Variants in ASCC3 observed in about 807,000 individuals in gnomAD.
The protein encoded by ASCC3 is ASC-1 complex subunit P200.
Under a neutral mutation model 256.3 loss-of-function variants are expected in ASCC3, and 158 were observed. The observed-to-expected ratio is 0.62, with a 90% CI of 0.54 to 0.70. The LOEUF (loss-of-function observed/expected upper bound fraction) is 0.70. Ranked by LOEUF, ASCC3 falls within the 30% of genes least tolerant of loss-of-function variation. The probability of loss-of-function intolerance (pLI) is 0.00; values close to 1 mark genes in which losing one functional copy is unlikely to be tolerated. For missense variants in ASCC3, 2,259 were observed against 2,626.0 expected, an observed-to-expected ratio of 0.86 and a Z score of 3.05; for synonymous variants, 948 against 883.4, an observed-to-expected ratio of 1.07 and a Z score of -1.30.
Position 100,518,111 on chromosome 6 carries a change from C to T in ASCC3, c.5807G>A (p.Trp1936Ter). 5.6e-6 allele frequency: 9 copies of T among 1,613,608 alleles called. No individual in the cohort carries two copies. The highest frequency in any genetic ancestry group is 7.6e-6 in the Non-Finnish European group (9 of 1,179,702). The change falls in exon 38 of 42, where the codon TGG (tryptophan) becomes TAG (stop). Residue 1936 changes from tryptophan (W) to a stop codon, truncating the protein, a stop_gained. Transcript: ENST00000369162. LOFTEE classifies it high-confidence loss of function. Reference protein sequence around the residue: ...AMLDVAANQGWLVTVLNITNL... With the variant: ...AMLDVAANQG ...GGTGATATTCAGGACAGTCACCAGC[C>T]AGCCCTGGTTTGCAGCCACGTCCAG...
intron 36 of ASCC3, among the ~76,000 whole-genome samples, chr6:100,559,081 G>A (rs1367998383): frequency 3.3e-5 from 5 of 152,058 alleles, no homozygotes; most frequent in Non-Finnish European, 7.4e-5. Context: ...AGAACCACAG[G>A]AGAAACTGAT....
intron 16 of ASCC3, among the ~76,000 whole-genome samples, chr6:100,659,765 T>C (rs1175787842): frequency 6.6e-6 from 1 of 151,610 alleles, no homozygotes; most frequent in Non-Finnish European, 1.5e-5. Context: ...AAAAAGCTAT[T>C]AAGGACATAA....
At position 100,799,525 on chromosome 6, in the gene ASCC3, T is replaced by C. The variant is rs1302041110; in HGVS notation, c.1175A>G (p.Gln392Arg). The change falls in exon 7 of 42, where the codon CAG becomes CGG. Residue 392 changes from glutamine to arginine, a missense_variant. Gln to Arg is a conservative substitution (Grantham distance 43, BLOSUM62 1). Around this residue, in one of 2 missense-constraint regions of ASCC3, gnomAD observed 1,839 missense variants for 2,206.7 expected, o/e 0.83. Transcript: ENST00000369162. Reference protein sequence around the residue: ...NARSVPILSRQRDADVEKIHY... With the variant: ...NARSVPILSRRRDADVEKIHY... ...TATTTTTTCAACGTCTGCATCTCTC[T>C]GCCTGCTCAGAATTGGAACACTTCT... is the stretch of plus-strand genomic sequence containing the variant. 1 of 1,613,070 alleles carries C rather than the reference T, an allele frequency of 6.2e-7. No homozygotes were observed. The highest frequency in any genetic ancestry group is 1.1e-5 in the South Asian group (1 of 91,060).
chr6:100,529,310 G>A (rs1774748090), intron 37 of ASCC3, among the ~76,000 whole-genome samples: 1 of 152,036 alleles, frequency 6.6e-6, no homozygotes, highest in Admixed American at 6.6e-5. Context: ...AATTATTGTA[G>A]CTTTATGGGA....
At chr6:100,724,530 A>G (rs1362999354) in intron 11 of ASCC3, among the ~76,000 whole-genome samples, 1 of 151,878 alleles carries the variant, frequency 6.6e-6, no homozygotes, top group African/African-American at 2.4e-5. Flanking sequence ...GAACTTAAAG[A>G]CATAGGAGAA....
chr6:100,636,748 C>T (rs74407713), intron 25 of ASCC3, among the ~76,000 whole-genome samples: 4,609 of 152,192 alleles, frequency 0.03, 77 homozygotes, highest in African/African-American at 0.055. Flanking sequence ...GTTTTATTCC[C>T]GATACGGAGA....
intron 8 of ASCC3, 43 bp from the exon 9 acceptor site, chr6:100,767,388 G>A: frequency 6.5e-7 from 1 of 1,549,758 alleles, no homozygotes; most frequent in Non-Finnish European, 8.9e-7. Context: ...GTAACAATGT[G>A]AAGGACCCAT....
In ASCC3 at chr6:100,827,089, G is replaced by A. The variant is rs570471176; in HGVS notation, c.801+21059C>T. Among the ~76,000 whole-genome samples, 23 of 152,222 alleles carry A rather than the reference G, an allele frequency of 1.5e-4. 1 individual carries two copies. The South Asian group carries it at 4.1e-3, about 27-fold the overall frequency. On this transcript the variant is annotated intron_variant, in intron 4 of 41. Coordinates refer to ENST00000369162, the MANE Select transcript of ASCC3 (RefSeq NM_006828.4). ...TCTGGATTCTACTGTAAAATGGTCC[G>A]CTCAGATTTAGATGGAATATGTTTA...
At chr6:100,829,460 C>T (rs1027497272) in intron 4 of ASCC3, among the ~76,000 whole-genome samples, 3 of 152,086 alleles carry the variant, frequency 2.0e-5, no homozygotes, top group Admixed American at 6.5e-5. Context: ...CCAGGGCTGG[C>T]GGGGCTCGCC....
At chr6:100,545,216 C>T (rs983074261) in intron 36 of ASCC3, among the ~76,000 whole-genome samples, 7 of 152,178 alleles carry the variant, frequency 4.6e-5, no homozygotes, top group Middle Eastern at 3.4e-3. Flanking sequence ...CTTGCTCTGT[C>T]GCCCAGGCTG....
chr6:100,841,219 A>G (rs1772129719), intron 4 of ASCC3, among the ~76,000 whole-genome samples: 1 of 152,204 alleles, frequency 6.6e-6, no homozygotes, highest in African/African-American at 2.4e-5. Context: ...AGGAGATAGT[A>G]GTAAGGAACA....
At chr6:100,843,041 A>C (rs1294654779) in intron 4 of ASCC3, among the ~76,000 whole-genome samples, 2 of 152,180 alleles carry the variant, frequency 1.3e-5, no homozygotes, top group South Asian at 2.1e-4. Flanking sequence ...TAATATAGTA[A>C]AAATTCAATT....
rs780059660 is a variant in ASCC3 at position 100,642,801 on chromosome 6, G to C, written c.3733-52C>G. On this transcript the variant is annotated intron_variant, in intron 23 of 41. Transcript: ENST00000369162. Reference sequence around the variant, plus strand: ...ATATGGATATTCTAATAGCATAAAGGCCTTATTAGTCTATTGTTAAGATAA... The same window carrying C: ...ATATGGATATTCTAATAGCATAAAGCCCTTATTAGTCTATTGTTAAGATAA... 20 of 1,459,632 alleles carry C rather than the reference G, an allele frequency of 1.4e-5. No homozygotes were observed. In the East Asian group the frequency reaches 2.3e-4, roughly 17 times the overall value. 90.4% of individuals were successfully genotyped at this position (1,459,632 alleles called of 1,614,324 possible). A position where few individuals can be genotyped will look rare whatever the true frequency, so the allele number is the denominator to read the frequency against.
rs187041122 is a variant in ASCC3 at position 100,776,491 on chromosome 6, G to A, written c.1396-9146C>T. ...CAGACTACTGATCTTACATACATAC[G>A]CCAGACTACTGATCTTACATATGCT... On this transcript the variant is annotated intron_variant, in intron 8 of 41. Coordinates refer to ENST00000369162, the MANE Select transcript of ASCC3 (RefSeq NM_006828.4). Among the ~76,000 whole-genome samples, 77 of 151,958 alleles carry A rather than the reference G, an allele frequency of 5.1e-4. 1 individual carries two copies. The highest frequency in any genetic ancestry group is 1.8e-3 in the African/African-American group (73 of 41,468).
At chr6:100,685,536 A>T (rs1397283715) in intron 13 of ASCC3, among the ~76,000 whole-genome samples, 1 of 152,226 alleles carries the variant, frequency 6.6e-6, no homozygotes, top group East Asian at 1.9e-4. Context: ...CCTCCAGGTT[A>T]TTCTGATGCA....
rs75606780 is a variant in ASCC3 at position 100,676,762 on chromosome 6, T to TCACA, written c.2286+2852_2286+2855dup. ...CGCGCGCGTGCGCGCACACACACACTCACACACACACACACACACACAAAA... is the reference window on the plus strand; with the variant it reads ...CGCGCGCGTGCGCGCACACACACACTCACACACACACACACACACACACACAAAA... On this transcript the variant is annotated intron_variant, in intron 14 of 41. Coordinates refer to ENST00000369162, the MANE Select transcript of ASCC3 (RefSeq NM_006828.4). Among the ~76,000 whole-genome samples, 37 of 150,742 alleles carry TCACA rather than the reference T, an allele frequency of 2.5e-4. 1 individual carries two copies. Among genetic ancestry groups the TCACA allele is most frequent in the Middle Eastern group, 6.9e-3 (2 of 290 alleles).
intron 25 of ASCC3, among the ~76,000 whole-genome samples, chr6:100,631,790 A>G (rs2114867818): frequency 6.6e-6 from 1 of 152,106 alleles, no homozygotes; most frequent in Middle Eastern, 3.5e-3. Flanking sequence ...AACCTATACA[A>G]AATGTATTCC....
intron 33 of ASCC3, among the ~76,000 whole-genome samples, chr6:100,605,095 T>C (rs1772813807): frequency 6.6e-6 from 1 of 152,184 alleles, no homozygotes; most frequent in African/African-American, 2.4e-5. Context: ...TATTTATTTA[T>C]TAACTGTACA....
intron 10 of ASCC3, among the ~76,000 whole-genome samples, chr6:100,755,003 C>A (rs1041365703): frequency 4.6e-5 from 7 of 152,048 alleles, no homozygotes. Context: ...TCCCTTAAAC[C>A]TCTTTTTCTT....
Sources: allele counts gnomAD v4.1 joint callset (sites outside exome capture counted in the v4.1 genomes callset), GRCh38; gene constraint gnomAD v4.1.1; regional missense constraint gnomAD v4.1.1; transcripts MANE v1.5; gene names NCBI Gene and HGNC (gene_info 2026-07-23, HGNC 2026-07-21).